ARID1A: variants seen among roughly 807,000 people sequenced by gnomAD.
ARID1A encodes the protein AT-rich interaction domain 1A, also known as AT-rich interactive domain-containing protein 1A.
ARID1A carries 20 observed loss-of-function variants against 212.6 expected under a neutral mutation model. The observed-to-expected ratio is 0.09, with a 90% CI of 0.07 to 0.14. The LOEUF (loss-of-function observed/expected upper bound fraction) is 0.14. Among genes scored for constraint, ARID1A ranks in the 10% least tolerant of loss-of-function variants. ARID1A has a pLI of 1.00. For synonymous variants in ARID1A, 1,376 were observed against 1,222.1 expected, an observed-to-expected ratio of 1.13 and a Z score of -2.63; for missense variants, 2,587 against 3,059.0, an observed-to-expected ratio of 0.85 and a Z score of 3.64.
rs2124067678 is a variant in ARID1A, at chr1:26,762,989, G to A, written c.2436G>A (p.Gln812=). ...QYGPQGGYPR[Q]PNYNALPNAN... is the part of the protein sequence containing the mutation. Reference sequence around the variant, plus strand: ...CCCTCCCAGGTGGCTACCCCAGGCAGCCAAACTATAATGCCTTGCCCAATG... The same window carrying A: ...CCCTCCCAGGTGGCTACCCCAGGCAACCAAACTATAATGCCTTGCCCAATG... The change falls in exon 8 of 20, where the codon CAG becomes CAA. Residue 812 remains glutamine, a synonymous_variant. Transcript: ENST00000324856. 6.3e-7 allele frequency: 1 copy of A among 1,587,850 alleles called. No individual in the cohort carries two copies.
chr1:26,747,093 G>A (rs2080843038), intron 4 of ARID1A, among the ~76,000 whole-genome samples: 1 of 152,082 alleles, frequency 6.6e-6, no homozygotes, highest in Admixed American at 6.5e-5. Context: ...GATAAATCAA[G>A]CGTAGAATTA....
At chr1:26,728,130 T>A (rs747214078) in intron 1 of ARID1A, among the ~76,000 whole-genome samples, 1 of 152,198 alleles carries the variant, frequency 6.6e-6, no homozygotes, top group Non-Finnish European at 1.5e-5. Flanking sequence ...GTAGTAGTGA[T>A]TTGGGACACA....
At chr1:26,757,846 G>T (rs1052520853) in intron 4 of ARID1A, among the ~76,000 whole-genome samples, 1 of 152,020 alleles carries the variant, frequency 6.6e-6, no homozygotes, top group African/African-American at 2.4e-5. Flanking sequence ...TGCCATGTTG[G>T]CCAGGCTGGT....
At chr1:26,749,340 C>T (rs1225602783) in intron 4 of ARID1A, among the ~76,000 whole-genome samples, 1 of 152,050 alleles carries the variant, frequency 6.6e-6, no homozygotes, top group Non-Finnish European at 1.5e-5. Context: ...CTATCCTTTG[C>T]CAGTTCTCAT....
chr1:26,699,618 A>G (rs185945995), intron 1 of ARID1A, among the ~76,000 whole-genome samples: 293 of 152,296 alleles, frequency 1.9e-3, no homozygotes, highest in African/African-American at 6.6e-3. Flanking sequence ...TTGTTTTTCT[A>G]GTGTCTGGAG....
intron 4 of ARID1A, among the ~76,000 whole-genome samples, chr1:26,752,329 A>G (rs2080892159): frequency 2.0e-5 from 3 of 152,238 alleles, no homozygotes; most frequent in Admixed American, 2.0e-4. Context: ...ACTCCGTGGA[A>G]TAATGTCACA....
At chr1:26,777,401 T>C (rs1439406603) in intron 19 of ARID1A, among the ~76,000 whole-genome samples, 1 of 150,648 alleles carries the variant, frequency 6.6e-6, no homozygotes, top group Non-Finnish European at 1.5e-5. Context: ...TAATTTTTTT[T>C]TTTTTTTTTT....
chr1:26,754,308 A>G (rs1406140382), intron 4 of ARID1A, among the ~76,000 whole-genome samples: 2 of 152,228 alleles, frequency 1.3e-5, no homozygotes, highest in African/African-American at 2.4e-5. Flanking sequence ...TCATGTAGAT[A>G]GAGGGGCAGG....
rs1436976421 is a variant in ARID1A at position 26,773,853 on chromosome 1, C to A, written c.4056C>A (p.Ser1352Arg). Residue 1352 changes from serine (S) to arginine (R), a missense_variant, in exon 17 of 20, where the codon AGC (serine) becomes AGA (arginine). Transcript: ENST00000324856. ...CCACCCAAGGCACCCCTTCTGGCAG[C>A]CCCTTCCCCAGCCAGCAGACTACAA... Reference protein sequence around the residue: ...QFSTQGTPSGSPFPSQQTTMY... With the variant: ...QFSTQGTPSGRPFPSQQTTMY... The A allele has an allele frequency of 6.2e-7, 1 of 1,614,196 alleles. No individual in the cohort carries two copies. The highest frequency in any genetic ancestry group is 8.5e-7 in the Non-Finnish European group (1 of 1,180,036).
intron 1 of ARID1A, among the ~76,000 whole-genome samples, chr1:26,722,902 C>T (rs1350869297): frequency 6.6e-6 from 1 of 151,954 alleles, no homozygotes; most frequent in East Asian, 1.9e-4. Flanking sequence ...TCTTATTGTC[C>T]TAGGTCATAT....
chr1:26,718,561 A>T (rs975400666), intron 1 of ARID1A, among the ~76,000 whole-genome samples: 1 of 152,212 alleles, frequency 6.6e-6, no homozygotes, highest in Non-Finnish European at 1.5e-5. Flanking sequence ...TTTGTGGAAT[A>T]TATAAAATTG....
At chr1:26,760,745 T>G in intron 4 of ARID1A, 111 bp from the exon 5 acceptor site, 1 of 1,163,770 alleles carries the variant, frequency 8.6e-7, no homozygotes, top group Non-Finnish European at 1.2e-6. Flanking sequence ...ACGTGTGTGA[T>G]GTATTTGCTC....
chr1:26,700,292 C>A (rs767438564), intron 1 of ARID1A, among the ~76,000 whole-genome samples: 8 of 152,150 alleles, frequency 5.3e-5, no homozygotes, highest in Admixed American at 1.3e-4. Context: ...CTTTTCCTGG[C>A]GCAGTCTTAG....
chr1:26,730,109 C>T (rs2080659314), intron 2 of ARID1A, among the ~76,000 whole-genome samples: 1 of 152,128 alleles, frequency 6.6e-6, no homozygotes, highest in African/African-American at 2.4e-5. Flanking sequence ...CCTGACTGGC[C>T]AGCTTATACC....
chr1:26,760,782 A>C, intron 4 of ARID1A, 74 bp from the exon 5 acceptor site: 1 of 1,467,608 alleles, frequency 6.8e-7, no homozygotes. Context: ...AATGCTAAGC[A>C]AGTAGTAGGA....
chr1:26,754,381 T>A (rs1331548558), intron 4 of ARID1A, among the ~76,000 whole-genome samples: 1 of 152,238 alleles, frequency 6.6e-6, no homozygotes, highest in Non-Finnish European at 1.5e-5. Flanking sequence ...ATATTTACTA[T>A]GACTAGCCAC....
chr1:26,756,633 G>A (rs1166408925), intron 4 of ARID1A, among the ~76,000 whole-genome samples: 2 of 150,084 alleles, frequency 1.3e-5, no homozygotes, highest in Non-Finnish European at 3.0e-5. Context: ...ATTGAACAGC[G>A]GTTTCTCTAT....
chr1:26,765,379 T>G (rs2124076348), intron 8 of ARID1A: 1 of 152,076 alleles, frequency 6.6e-6, no homozygotes, highest in African/African-American at 2.4e-5. Flanking sequence ...TCCCAGCTAC[T>G]TGGGAGGCTG....
intron 3 of ARID1A, among the ~76,000 whole-genome samples, chr1:26,732,213 T>C (rs958742753): frequency 2.6e-5 from 4 of 152,206 alleles, no homozygotes; most frequent in African/African-American, 9.7e-5. Flanking sequence ...TGGGGCTTTA[T>C]TTTTGTAGAG....
Sources: gnomAD v4.1 joint callset for allele counts (sites outside exome capture counted in the v4.1 genomes callset) on GRCh38, gnomAD v4.1.1 for gene constraint, MANE v1.5 for transcripts, NCBI Gene and HGNC (gene_info 2026-07-23, HGNC 2026-07-21) for gene names.